TYW1B: variants seen among roughly 807,000 people sequenced by gnomAD.
TYW1B encodes the protein tRNA-yW synthesizing protein 1 homolog B, also known as S-adenosyl-L-methionine-dependent tRNA 4-demethylwyosine synthase TYW1B.
In TYW1B, 73 loss-of-function variants were observed where a neutral mutation model predicts 86.9. The observed-to-expected ratio is 0.84, with a 90% CI of 0.70 to 1.02. The LOEUF is 1.02. TYW1B is among the 50% of genes least tolerant of loss of function. The pLI is 0.00. For synonymous variants in TYW1B, 248 were observed against 292.8 expected, an observed-to-expected ratio of 0.85 and a Z score of 1.56; for missense variants, 637 against 827.4, an observed-to-expected ratio of 0.77 and a Z score of 2.82.
chr7:72,723,497 T>C (rs1585931092), intron 9 of TYW1B, among the ~76,000 whole-genome samples: 1 of 152,256 alleles, frequency 6.6e-6, no homozygotes, highest in East Asian at 1.9e-4. Context: ...CCAGGTGCAG[T>C]GGTTCACACC....
intron 8 of TYW1B, among the ~76,000 whole-genome samples, chr7:72,733,184 A>ACACC (rs1787142433): frequency 6.6e-6 from 1 of 151,076 alleles, no homozygotes; most frequent in Non-Finnish European, 1.5e-5. Flanking sequence ...ACACACACAC[A>ACACC]CACACACACA....
chr7:72,749,543 C>T (rs1159794872), intron 7 of TYW1B, among the ~76,000 whole-genome samples: 13 of 152,162 alleles, frequency 8.5e-5, no homozygotes, highest in South Asian at 2.1e-4. Flanking sequence ...CTGCCCACCC[C>T]GGCCTCCCAA....
chr7:72,684,065 G>C (rs1813946081), intron 11 of TYW1B, among the ~76,000 whole-genome samples: 1 of 152,152 alleles, frequency 6.6e-6, no homozygotes, highest in Non-Finnish European at 1.5e-5. Flanking sequence ...AACCAGAATG[G>C]AATATTCAGG....
At chr7:72,672,956 G>T (rs1483154502) in intron 11 of TYW1B, among the ~76,000 whole-genome samples, 2 of 152,196 alleles carry the variant, frequency 1.3e-5, no homozygotes, top group Non-Finnish European at 2.9e-5. Context: ...ATCACTTGAG[G>T]TCAGGAGTTG....
chr7:72,721,909 T>G (rs2129570888), intron 9 of TYW1B, among the ~76,000 whole-genome samples: 1 of 152,312 alleles, frequency 6.6e-6, no homozygotes, highest in East Asian at 1.9e-4. Flanking sequence ...AAAATTTTCA[T>G]TCTAATGTCA....
At chr7:72,713,870 G>C (rs1786726660) in intron 9 of TYW1B, 72 bp from the exon 10 acceptor site, 1 of 1,466,252 alleles carries the variant, frequency 6.8e-7, no homozygotes, top group South Asian at 1.5e-5. Flanking sequence ...TCTTAATGAT[G>C]CTTTGATTTT....
chr7:72,636,991 A>G (rs556055186), intron 11 of TYW1B, among the ~76,000 whole-genome samples: 79 of 152,276 alleles, frequency 5.2e-4, no homozygotes, highest in Non-Finnish European at 9.3e-4. Flanking sequence ...AGCCTCACCA[A>G]CATGGAGAAA....
chr7:72,727,874 A>C (rs553078901), intron 9 of TYW1B, among the ~76,000 whole-genome samples: 2 of 151,478 alleles, frequency 1.3e-5, no homozygotes, highest in South Asian at 4.2e-4. Flanking sequence ...TTACTGACCC[A>C]ATCTCTGGGA....
intron 11 of TYW1B, among the ~76,000 whole-genome samples, chr7:72,643,825 T>C (rs1230447243): frequency 4.6e-5 from 7 of 152,152 alleles, no homozygotes; most frequent in Non-Finnish European, 1.0e-4. Flanking sequence ...CAATTATTTA[T>C]GGTGTTTGAT....
At chr7:72,786,263 G>A (rs1440195112) in intron 6 of TYW1B, among the ~76,000 whole-genome samples, 5 of 152,134 alleles carry the variant, frequency 3.3e-5, no homozygotes, top group Non-Finnish European at 5.9e-5. Context: ...CATGAAAAAC[G>A]AAAACTGGTA....
At chr7:72,680,303 G>T (rs1813837868) in intron 11 of TYW1B, among the ~76,000 whole-genome samples, 1 of 152,122 alleles carries the variant, frequency 6.6e-6, no homozygotes, top group South Asian at 2.1e-4. Flanking sequence ...AGTCTGGGTG[G>T]GCACCATCTA....
rs11327564 is a variant in TYW1B, at chr7:72,793,754, CAA to C, written c.846+8644_846+8645del. On this transcript the variant is annotated intron_variant, in intron 6 of 13. Transcript: ENST00000620995. ...TTGGCGACAGAACGAGACTCCGTCT[CAA>C]AAAAAAAAAAAAAAATGCTCCCGCA... 3.5e-4 allele frequency among the ~76,000 whole-genome samples: 25 copies of C among 70,868 alleles called. No homozygotes were observed. In the East Asian group the frequency reaches 3.5e-3, roughly 10 times the overall value. The allele number at this position is 70,868 out of a possible 152,430, so 46.5% of individuals were successfully genotyped here.
intron 13 of TYW1B, among the ~76,000 whole-genome samples, chr7:72,601,151 A>T (rs1341173797): frequency 6.7e-6 from 1 of 149,262 alleles, no homozygotes; most frequent in Non-Finnish European, 1.5e-5. Flanking sequence ...CAAAATATAA[A>T]AAAAAAAAAT....
intron 11 of TYW1B, among the ~76,000 whole-genome samples, chr7:72,664,858 C>T (rs574588613): frequency 6.6e-6 from 1 of 152,190 alleles, no homozygotes; most frequent in South Asian, 2.1e-4. Flanking sequence ...TCCATGGATG[C>T]TCCAGTTTCT....
At chr7:72,670,901 C>T (rs2507793) in intron 11 of TYW1B, among the ~76,000 whole-genome samples, 1 of 152,064 alleles carries the variant, frequency 6.6e-6, no homozygotes, top group Admixed American at 6.6e-5. Context: ...TAAATATACA[C>T]GATGTATTTT....
chr7:72,749,544 G>A (rs1421847138), intron 7 of TYW1B, among the ~76,000 whole-genome samples: 18 of 152,008 alleles, frequency 1.2e-4, no homozygotes, highest in East Asian at 1.9e-4. Flanking sequence ...TGCCCACCCC[G>A]GCCTCCCAAA....
At chr7:72,722,385 C>T (rs1250051433) in intron 9 of TYW1B, among the ~76,000 whole-genome samples, 1 of 152,116 alleles carries the variant, frequency 6.6e-6, no homozygotes, top group Non-Finnish European at 1.5e-5. Context: ...GTTTGCTGAA[C>T]GAGTGGAAAA....
chr7:72,728,589 G>A (rs1419622253), intron 9 of TYW1B, among the ~76,000 whole-genome samples: 2 of 152,152 alleles, frequency 1.3e-5, no homozygotes, highest in African/African-American at 2.4e-5. Context: ...TTAGACAGGC[G>A]TGAGCCATCA....
chr7:72,731,393 C>CAAAA lies in TYW1B; in HGVS notation c.1083-2466_1083-2463dup, dbSNP rs59262388. ...ACCACTATGGAAGACTACCAAACTG[C>CAAAA]AAAAAAAAAAAAAAAAAAAAAACAA... On this transcript the variant is annotated intron_variant, in intron 8 of 13. Coordinates refer to ENST00000620995, the MANE Select transcript of TYW1B (RefSeq NM_001145440.3). 8.6e-3 allele frequency among the ~76,000 whole-genome samples: 281 copies of CAAAA among 32,742 alleles called. 1 individual carries two copies. The highest frequency in any genetic ancestry group is 0.01 in the Non-Finnish European group (200 of 19,066). 21.5% of individuals were successfully genotyped at this position (32,742 alleles called of 152,430 possible).
Sources: allele counts gnomAD v4.1 joint callset (sites outside exome capture counted in the v4.1 genomes callset), GRCh38; gene constraint gnomAD v4.1.1; transcripts MANE v1.5; gene names NCBI Gene and HGNC (gene_info 2026-07-23, HGNC 2026-07-21).